The following TMEM132C variants were observed in gnomAD, a reference collection of about 807,000 sequenced individuals.
TMEM132C encodes protein phosphatase 1, regulatory subunit 152.
Under a neutral mutation model 61.4 loss-of-function variants are expected in TMEM132C, and 29 were observed. That is an observed-to-expected ratio of 0.47 (90% CI 0.35 to 0.64). The LOEUF is 0.64. Among genes scored for constraint, TMEM132C ranks in the 30% least tolerant of loss-of-function variants. The probability of loss-of-function intolerance (pLI) is 0.00; values close to 1 mark genes in which losing one functional copy is unlikely to be tolerated. For missense variants in TMEM132C, 1,408 were observed against 1,476.9 expected (o/e 0.95, Z 0.76); for synonymous variants, 656 against 633.1 (o/e 1.04, Z -0.54).
At chr12:128,272,366 A>G (rs540881519) in intron 1 of TMEM132C, among the ~76,000 whole-genome samples, 1 of 152,224 alleles carries the variant, frequency 6.6e-6, no homozygotes, top group African/African-American at 2.4e-5. Flanking sequence ...TTCCTTTTCA[A>G]TGCTGAATGG....
intron 4 of TMEM132C, among the ~76,000 whole-genome samples, chr12:128,623,784 G>A (rs1404084842): frequency 1.3e-5 from 2 of 151,970 alleles, no homozygotes; most frequent in Non-Finnish European, 2.9e-5. Flanking sequence ...CTCCAGCCTT[G>A]GCGACAGAGC....
intron 4 of TMEM132C, among the ~76,000 whole-genome samples, chr12:128,664,222 G>A (rs1566007604): frequency 9.5e-6 from 1 of 105,538 alleles, no homozygotes; most frequent in Non-Finnish European, 2.1e-5. Context: ...ATGCCTGTGT[G>A]TGTTCCATGA....
In TMEM132C at chr12:128,489,562, C is replaced by CATATATATAT. The variant is rs10654008; in HGVS notation, c.975-54384_975-54375dup. Reference sequence around the variant, plus strand: ...CCTCCATTATATATTTTTATATGCTCATATATATATATATATATATTCTGT... The same window carrying CATATATATAT: ...CCTCCATTATATATTTTTATATGCTCATATATATATATATATATATATATATATATTCTGT... On this transcript the variant is annotated intron_variant, in intron 2 of 8. Transcript: ENST00000435159. Among the ~76,000 whole-genome samples the CATATATATAT allele has an allele frequency of 1.8e-3, 255 of 138,368 alleles. 1 individual carries two copies. Among genetic ancestry groups the CATATATATAT allele is most frequent in the African/African-American group, 2.4e-3 (93 of 38,442 alleles). 90.8% of individuals were successfully genotyped at this position (138,368 alleles called of 152,430 possible). A position where few individuals can be genotyped will look rare whatever the true frequency, so the allele number is the denominator to read the frequency against.
At chr12:128,568,336 T>C (rs1426377225) in intron 3 of TMEM132C, among the ~76,000 whole-genome samples, 9 of 152,206 alleles carry the variant, frequency 5.9e-5, no homozygotes, top group African/African-American at 1.9e-4. Flanking sequence ...GGATGCATTC[T>C]CCTGGCTTCA....
At chr12:128,658,575 A>G (rs533954138) in intron 4 of TMEM132C, among the ~76,000 whole-genome samples, 2 of 151,882 alleles carry the variant, frequency 1.3e-5, no homozygotes, top group African/African-American at 4.8e-5. Context: ...GTTATCTGCT[A>G]TGGTTAAGTC....
At chr12:128,285,999 C>G (rs1474818188) in intron 1 of TMEM132C, among the ~76,000 whole-genome samples, 7 of 143,824 alleles carry the variant, frequency 4.9e-5, no homozygotes, top group African/African-American at 1.9e-4. Flanking sequence ...TTCTCTCTCT[C>G]CCCATCTCTA....
intron 3 of TMEM132C, among the ~76,000 whole-genome samples, chr12:128,560,726 G>A (rs1874480086): frequency 1.3e-5 from 2 of 152,190 alleles, no homozygotes; most frequent in African/African-American, 4.8e-5. Flanking sequence ...TCAGTTCCTG[G>A]CACAGGGAAG....
intron 1 of TMEM132C, among the ~76,000 whole-genome samples, chr12:128,403,411 G>T (rs1010271711): frequency 1.3e-5 from 2 of 152,140 alleles, no homozygotes; most frequent in Non-Finnish European, 1.5e-5. Flanking sequence ...GTCCTGAAAA[G>T]AGCCCACTTC....
At chr12:128,628,994 T>G (rs2135592769) in intron 4 of TMEM132C, among the ~76,000 whole-genome samples, 1 of 152,380 alleles carries the variant, frequency 6.6e-6, no homozygotes, top group Middle Eastern at 3.4e-3. Flanking sequence ...TAATTTATTT[T>G]AAGTAATTGT....
intron 2 of TMEM132C, among the ~76,000 whole-genome samples, chr12:128,464,973 CAG>C (rs1870680196): frequency 6.6e-6 from 1 of 152,188 alleles, no homozygotes; most frequent in East Asian, 1.9e-4. Flanking sequence ...GAAGCAGACA[CAG>C]AGAGGGGAGA....
chr12:128,365,421 A>G (rs1228964791), intron 1 of TMEM132C, among the ~76,000 whole-genome samples: 1 of 152,144 alleles, frequency 6.6e-6, no homozygotes, highest in Non-Finnish European at 1.5e-5. Context: ...CTATTATACT[A>G]TTACTATTAT....
chr12:128,645,174 A>G (rs1478804958), intron 4 of TMEM132C, among the ~76,000 whole-genome samples: 1 of 152,106 alleles, frequency 6.6e-6, no homozygotes, highest in African/African-American at 2.4e-5. Flanking sequence ...TGCCCAAGCC[A>G]CCGTCTGTGG....
intron 2 of TMEM132C, among the ~76,000 whole-genome samples, chr12:128,494,444 C>T (rs1871865540): frequency 6.6e-6 from 1 of 152,160 alleles, no homozygotes. Flanking sequence ...CCTTGTACCT[C>T]TGGTAGAATT....
chr12:128,622,398 T>TATATATAA (rs1953977262), intron 4 of TMEM132C, among the ~76,000 whole-genome samples: 2 of 121,790 alleles, frequency 1.6e-5, no homozygotes, highest in African/African-American at 6.0e-5. Flanking sequence ...TATATATATA[T>TATATATAA]ATAACCAGGA....
At chr12:128,281,989 GAC>G (rs559168390) in intron 1 of TMEM132C, among the ~76,000 whole-genome samples, 58 of 152,340 alleles carry the variant, frequency 3.8e-4, no homozygotes, top group Non-Finnish European at 6.9e-4. Flanking sequence ...TCCTGAGGCT[GAC>G]ACCTATACAA....
chr12:128,563,327 T>G (rs947929673), intron 3 of TMEM132C, among the ~76,000 whole-genome samples: 1 of 152,178 alleles, frequency 6.6e-6, no homozygotes, highest in African/African-American at 2.4e-5. Flanking sequence ...TGGCAGGTCC[T>G]GGAGGCCATT....
chr12:128,565,971 C>T (rs745561296), intron 3 of TMEM132C, among the ~76,000 whole-genome samples: 10 of 151,944 alleles, frequency 6.6e-5, no homozygotes, highest in Non-Finnish European at 1.5e-4. Context: ...CTCACTGCAA[C>T]CTCCGCCACC....
chr12:128,548,961 C>T (rs1874058673), intron 3 of TMEM132C, among the ~76,000 whole-genome samples: 1 of 152,160 alleles, frequency 6.6e-6, no homozygotes. Context: ...AGGACTTAAG[C>T]ATCCATGGAT....
At chr12:128,474,040 C>T (rs1203446598) in intron 2 of TMEM132C, among the ~76,000 whole-genome samples, 1 of 152,200 alleles carries the variant, frequency 6.6e-6, no homozygotes, top group East Asian at 1.9e-4. Context: ...CCCTGTTACA[C>T]TAATTCCTTG....
Sources: allele counts gnomAD v4.1 joint callset (sites outside exome capture counted in the v4.1 genomes callset), GRCh38; gene constraint gnomAD v4.1.1; transcripts MANE v1.5; gene names NCBI Gene and HGNC (gene_info 2026-07-23, HGNC 2026-07-21).